The following RAP1GAP2 variants were observed in gnomAD, a reference collection of about 807,000 sequenced individuals.
RAP1GAP2 encodes the protein rap1 GTPase-activating protein 2.
In RAP1GAP2, 27 loss-of-function variants were observed where a neutral mutation model predicts 95.0. That is an observed-to-expected ratio of 0.28 (90% CI 0.21 to 0.39). The LOEUF (loss-of-function observed/expected upper bound fraction) is 0.39. Among genes scored for constraint, RAP1GAP2 ranks in the 10% least tolerant of loss-of-function variants. RAP1GAP2 has a pLI of 1.00. For synonymous variants in RAP1GAP2, 373 were observed against 380.9 expected (o/e 0.98, Z 0.24); for missense variants, 771 against 970.0 (o/e 0.79, Z 2.72).
At chr17:2,779,000 G>T (rs1454814154) in intron 1 of RAP1GAP2, among the ~76,000 whole-genome samples, 2 of 152,216 alleles carry the variant, frequency 1.3e-5, no homozygotes, top group African/African-American at 2.4e-5. Context: ...CTTCCAGATT[G>T]CACATGTGTG....
Position 3,005,941 on chromosome 17 carries a change from C to CT in RAP1GAP2, c.1273-12dup, listed in dbSNP as rs757319075. The CT allele has an allele frequency of 2.5e-6, 4 of 1,612,132 alleles. No individual in the cohort carries two copies. In the South Asian group the frequency reaches 4.4e-5, roughly 18 times the overall value. ...CGAGAGTGACAGACCTGAGGTCCGT[C>CT]TTGTCTCTTCCAGGGCCCGGAATTC... On this transcript the variant is annotated splice_polypyrimidine_tract_variant and intron_variant, in intron 15 of 24. Coordinates refer to ENST00000254695, the MANE Select transcript of RAP1GAP2 (RefSeq NM_015085.5). This position sits in a 1 kb window ranked among gnomAD's most constrained non-coding sequence, Gnocchi z 5.2.
Position 3,030,868 on chromosome 17 carries a change from G to A in RAP1GAP2, c.2108-54G>A. ...CCTCCCTAGCCAGTCCCCACACACA[G>A]CCCCAGTGGCCTCCACAGCTCCACC... On this transcript the variant is annotated intron_variant, in intron 22 of 24. Transcript: ENST00000254695. 2.7e-6 allele frequency: 4 copies of A among 1,502,628 alleles called. No homozygotes were observed. In the South Asian group the frequency reaches 4.8e-5, roughly 18 times the overall value. The allele number at this position is 1,502,628 out of a possible 1,614,324, so 93.1% of individuals were successfully genotyped here. A position where few individuals can be genotyped will look rare whatever the true frequency, so the allele number is the denominator to read the frequency against.
At position 2,846,107 on chromosome 17, in the gene RAP1GAP2, C is replaced by A. The variant is rs146942149; in HGVS notation, c.80+45557C>A. Among the ~76,000 whole-genome samples the A allele has an allele frequency of 6.8e-3, 1,021 of 151,226 alleles. 8 individuals are homozygous for A. Among genetic ancestry groups the A allele is most frequent in the African/African-American group, 0.023 (955 of 41,222 alleles). On this transcript the variant is annotated intron_variant, in intron 2 of 24. Coordinates refer to ENST00000254695, the MANE Select transcript of RAP1GAP2 (RefSeq NM_015085.5). Reference sequence around the variant, plus strand: ...CTGAGACTGGAGAATTGCTTGAACCCGGGAGGTGGAGGTTGTAGTGAGCCG... The same window carrying A: ...CTGAGACTGGAGAATTGCTTGAACCAGGGAGGTGGAGGTTGTAGTGAGCCG...
exon 2 of RAP1GAP2, chr17:2,770,394 G>C: frequency 2.5e-6 from 1 of 398,712 alleles, no homozygotes; most frequent in Non-Finnish European, 4.4e-6. Flanking sequence ...TGGCTCTACA[G>C]CCCGCAGCAG....
chr17:2,963,857 T>G lies in RAP1GAP2; in HGVS notation c.281T>G (p.Val94Gly). ...DYIPYPSIDE[V>G]VEKGGPYPQV... is the part of the protein sequence containing the mutation. ...GCACGACCCTCCCTCTGCCTTCAGG[T>G]TGTGGAGAAGGGAGGCCCGTACCCT... is the stretch of plus-strand genomic sequence containing the variant. Residue 94 changes from valine (V) to glycine (G), a missense_variant and splice_region_variant, in exon 7 of 25, where the codon GTT becomes GGT. By Grantham distance (109) the Val-to-Gly change is moderately radical. Coordinates refer to ENST00000254695, the MANE Select transcript of RAP1GAP2 (RefSeq NM_015085.5). The surrounding 1 kb of genome is among the most constrained non-coding windows in gnomAD (Gnocchi z 4.8). 1 of 1,596,748 alleles carries G rather than the reference T, an allele frequency of 6.3e-7. No individual in the cohort carries two copies. The highest frequency in any genetic ancestry group is 8.5e-7 in the Non-Finnish European group (1 of 1,171,230).
intron 3 of RAP1GAP2, among the ~76,000 whole-genome samples, chr17:2,947,649 C>T (rs1211544767): frequency 6.6e-6 from 1 of 152,148 alleles, no homozygotes; most frequent in Non-Finnish European, 1.5e-5. Flanking sequence ...TTCTGTTCTG[C>T]AGCCAGCCTG....
intron 10 of RAP1GAP2, among the ~76,000 whole-genome samples, chr17:2,982,002 C>T (rs1230714560): frequency 5.9e-5 from 9 of 152,220 alleles, no homozygotes; most frequent in South Asian, 2.1e-4. Flanking sequence ...CCGTGGGTCA[C>T]GCTGCAGCGG....
chr17:2,888,146 A>G (rs1343510474), intron 2 of RAP1GAP2, among the ~76,000 whole-genome samples: 1 of 152,130 alleles, frequency 6.6e-6, no homozygotes, highest in Non-Finnish European at 1.5e-5. Context: ...TTTCTAATTG[A>G]CACATAATAA....
chr17:2,946,482 C>T (rs1410462562), intron 3 of RAP1GAP2, among the ~76,000 whole-genome samples: 2 of 152,160 alleles, frequency 1.3e-5, no homozygotes, highest in Non-Finnish European at 2.9e-5. Context: ...TTGCTTGCCT[C>T]GTGCCTGAAG....
intron 3 of RAP1GAP2, among the ~76,000 whole-genome samples, chr17:2,918,641 G>A (rs1173280414): frequency 6.6e-6 from 1 of 151,942 alleles, no homozygotes; most frequent in African/African-American, 2.4e-5. Flanking sequence ...TAAACAACCA[G>A]AGCTCGTGAG....
upstream of RAP1GAP2, among the ~76,000 whole-genome samples, chr17:2,774,742 A>G (rs1212491765): frequency 6.6e-6 from 1 of 150,946 alleles, no homozygotes; most frequent in Non-Finnish European, 1.5e-5. Flanking sequence ...AAGTGCTGGG[A>G]TTATAGGTGT....
At chr17:2,841,237 T>C (rs2151570427) in intron 2 of RAP1GAP2, among the ~76,000 whole-genome samples, 1 of 152,124 alleles carries the variant, frequency 6.6e-6, no homozygotes, top group East Asian at 1.9e-4. Flanking sequence ...CAGTATTTAA[T>C]TTAAAAATTA....
chr17:2,872,484 T>C (rs1216632339), intron 2 of RAP1GAP2, among the ~76,000 whole-genome samples: 2 of 152,066 alleles, frequency 1.3e-5, no homozygotes, highest in African/African-American at 4.8e-5. Flanking sequence ...GCTTTTGTTC[T>C]TGGTGGTATT....
chr17:2,966,706 A>G (rs1414233432), intron 8 of RAP1GAP2, among the ~76,000 whole-genome samples: 1 of 152,186 alleles, frequency 6.6e-6, no homozygotes, highest in Non-Finnish European at 1.5e-5. Context: ...TGCAAGGCAT[A>G]GAAGAGTCAA....
At chr17:2,809,886 G>T (rs1259526344) in intron 2 of RAP1GAP2, among the ~76,000 whole-genome samples, 1 of 152,172 alleles carries the variant, frequency 6.6e-6, no homozygotes, top group Non-Finnish European at 1.5e-5. Context: ...CAGAGACGAC[G>T]CTGGTGTCTG....
rs768350118 is a variant in RAP1GAP2, at chr17:2,985,044, T to C, written c.791T>C (p.Val264Ala). The C allele has an allele frequency of 6.2e-7, 1 of 1,613,670 alleles. No individual in the cohort carries two copies. Among genetic ancestry groups the C allele is most frequent in the South Asian group, 1.1e-5 (1 of 91,046 alleles). Reference protein sequence around the residue: ...HEVNNTFKFGVIYQKARQTLE... With the variant: ...HEVNNTFKFGAIYQKARQTLE... ...GTCAACAACACATTCAAATTCGGAGTCATTTATCAAAAAGCCAGGCAGGTA... is the reference window on the plus strand; with the variant it reads ...GTCAACAACACATTCAAATTCGGAGCCATTTATCAAAAAGCCAGGCAGGTA... Residue 264 changes from valine to alanine, a missense_variant, in exon 11 of 25, where the codon GTC (valine) becomes GCC (alanine). Physicochemically the swap from Val to Ala is moderately conservative, Grantham distance 64. Transcript: ENST00000254695.
chr17:2,839,870 C>G (rs1353201497), intron 2 of RAP1GAP2, among the ~76,000 whole-genome samples: 1 of 152,060 alleles, frequency 6.6e-6, no homozygotes, highest in Non-Finnish European at 1.5e-5. Flanking sequence ...GTGATCTCGG[C>G]TCACTGCAAC....
Position 2,905,426 on chromosome 17 carries a change from C to T in RAP1GAP2, c.165+58C>T, listed in dbSNP as rs1393751630. ...GGAGAGTGTGGGGAAGTTGTGAGGC[C>T]TTGCTGTGGCTTTGGCTCCAGGCCC... is the stretch of plus-strand genomic sequence containing the variant. On this transcript the variant is annotated intron_variant, in intron 3 of 24. Transcript: ENST00000254695. 3 of 1,546,906 alleles carry T rather than the reference C, an allele frequency of 1.9e-6. No individual in the cohort carries two copies. In the East Asian group the frequency reaches 6.9e-5, roughly 35 times the overall value.
At chr17:2,993,255 C>A in intron 12 of RAP1GAP2, among the ~76,000 whole-genome samples, 1 of 148,416 alleles carries the variant, frequency 6.7e-6, no homozygotes, top group South Asian at 2.1e-4. Flanking sequence ...ATAGTGTCAG[C>A]CCTAAAAGGT....
Sources: allele counts gnomAD v4.1 joint callset (sites outside exome capture counted in the v4.1 genomes callset), GRCh38; gene constraint gnomAD v4.1.1; non-coding constraint Gnocchi (gnomAD v3.1); transcripts MANE v1.5; gene names NCBI Gene and HGNC (gene_info 2026-07-23, HGNC 2026-07-21).